Variants in ZNF43 observed in about 807,000 individuals in gnomAD.
ZNF43 encodes zinc finger protein 43.
A neutral mutation model predicts 68.4 loss-of-function variants in ZNF43; 44 were observed. That is an observed-to-expected ratio of 0.64 (90% confidence interval 0.51 to 0.83). The LOEUF is 0.83. Ranked by LOEUF, ZNF43 falls within the 40% of genes least tolerant of loss-of-function variation. The pLI, the probability that ZNF43 is intolerant of heterozygous loss-of-function variation, is 0.00. For missense variants in ZNF43, 896 were observed against 933.2 expected (o/e 0.96, Z 0.52); for synonymous variants, 308 against 307.8 (o/e 1.00, Z -0.01).
intron 1 of ZNF43, chr19:21,843,306 A>C: frequency 1.1e-6 from 1 of 922,928 alleles, no homozygotes; most frequent in Non-Finnish European, 1.3e-6. Flanking sequence ...TTCTGAGCAG[A>C]GGTATGTGTC....
chr19:21,813,162 A>G (rs1408619324), intron 3 of ZNF43, among the ~76,000 whole-genome samples: 1 of 151,990 alleles, frequency 6.6e-6, no homozygotes, highest in African/African-American at 2.4e-5. Context: ...GACTCACTTG[A>G]ACCCAGTGGG....
upstream of ZNF43, among the ~76,000 whole-genome samples, chr19:21,837,441 T>C (rs1370215435): frequency 2.8e-5 from 4 of 140,874 alleles, no homozygotes; most frequent in Non-Finnish European, 6.1e-5. Context: ...TTTTTTTTTT[T>C]TGAGACGGAG....
chr19:21,839,625 T>G (rs1375808757), upstream of ZNF43: 1 of 152,202 alleles, frequency 6.6e-6, no homozygotes, highest in Non-Finnish European at 1.5e-5. Flanking sequence ...TCACTCTCTT[T>G]TATGGGAGCA....
At position 21,836,142 on chromosome 19, in the gene ZNF43, G is replaced by T. The variant is rs2038720948; in HGVS notation, c.-104C>A. ...ACCTCTAGCAGCAGAGGACACAGAA[G>T]AACGAAGACGAGACGCAGAGCTCCA... On this transcript the variant is annotated 5_prime_UTR_variant, in exon 1 of 4. Coordinates refer to ENST00000354959, the MANE Select transcript of ZNF43 (RefSeq NM_003423.4). 2 of 1,586,474 alleles carry T rather than the reference G, an allele frequency of 1.3e-6. No individual in the cohort carries two copies. The highest frequency in any genetic ancestry group is 2.3e-5 in the South Asian group (2 of 88,242).
rs1314605428 is a variant in ZNF43, at chr19:21,809,028, T to C, written c.1009A>G (p.Thr337Ala). 6.2e-7 allele frequency: 1 copy of C among 1,613,154 alleles called. No individual in the cohort carries two copies. Among genetic ancestry groups the C allele is most frequent in the African/African-American group, 1.3e-5 (1 of 74,786 alleles). The change falls in exon 4 of 4, where the codon ACT (threonine) becomes GCT (alanine). Residue 337 changes from threonine (T) to alanine (A), a missense_variant. By Grantham distance (58) the Thr-to-Ala change is moderately conservative. Transcript: ENST00000354959. Reference protein sequence around the residue: ...STLTKHKRIHTGEKPYTCEEC... With the variant: ...STLTKHKRIHAGEKPYTCEEC... ...TCACATGTGTAGGGTTTCTCTCCAGTATGAATTCTCTTATGTTTAGTAAGA... is the reference window on the plus strand; with the variant it reads ...TCACATGTGTAGGGTTTCTCTCCAGCATGAATTCTCTTATGTTTAGTAAGA...
rs748463950 is a variant in ZNF43 at position 21,851,980 on chromosome 19, G to A, written c.-46C>T. ...GACTTGCAGATCACAGGGTAACGGAGGCTGCGACAAAGTCACCGGGGATTC... is the reference window on the plus strand; with the variant it reads ...GACTTGCAGATCACAGGGTAACGGAAGCTGCGACAAAGTCACCGGGGATTC... On this transcript the variant is annotated 5_prime_UTR_variant, in exon 1 of 4. Transcript: ENST00000357491. 63 of 1,531,846 alleles carry A rather than the reference G, an allele frequency of 4.1e-5. No individual in the cohort carries two copies. The South Asian group carries it at 6.9e-4, about 17-fold the overall frequency. The allele number at this position is 1,531,846 out of a possible 1,614,324, so 94.9% of individuals were successfully genotyped here.
At position 21,817,978 on chromosome 19, in the gene ZNF43, C is replaced by T; in HGVS notation, c.139G>A (p.Val47Ile). 6.2e-7 allele frequency: 1 copy of T among 1,612,206 alleles called. No individual in the cohort carries two copies. The highest frequency in any genetic ancestry group is 8.5e-7 in the Non-Finnish European group (1 of 1,179,046). Residue 47 changes from valine (V) to isoleucine (I), a missense_variant, in exon 3 of 4, where the codon GTC (valine) becomes ATC (isoleucine). Val to Ile is a conservative substitution (Grantham distance 29). Transcript: ENST00000354959. ...YRNLVFLGIA[V>I]SKPDLITCLE... ...CAGGTGATCAGGTCTGGCTTAGAGA[C>T]AGCAATACCTGTTTCAATAAAAAAT...
At position 21,808,018 on chromosome 19, in the gene ZNF43, A is replaced by G; in HGVS notation, c.2019T>C (p.Thr673=). The G allele has an allele frequency of 6.2e-7, 1 of 1,612,962 alleles. No homozygotes were observed. The highest frequency in any genetic ancestry group is 8.5e-7 in the Non-Finnish European group (1 of 1,179,940). ...CTTCACATTTGTAGGGTTTCTCTCC[A>G]GTATGAATTATCTTATGTTTAGTAA... is the stretch of plus-strand genomic sequence containing the variant. ...STLTKHKIIH[T]GEKPYKCEEC... is the part of the protein sequence containing the mutation. The change falls in exon 4 of 4, where the codon ACT becomes ACC. Residue 673 remains threonine, a synonymous_variant. Transcript: ENST00000354959.
At chr19:21,815,508 T>TATATGTATATATATATATATATATATA (rs1568355553) in intron 3 of ZNF43, among the ~76,000 whole-genome samples, 1 of 148,904 alleles carries the variant, frequency 6.7e-6, no homozygotes. Flanking sequence ...TATATATATA[T>TATATGTATATATATATATATATATATA]TTTGCAGAAT....
chr19:21,836,243 G>C (rs1386080299), upstream of ZNF43: 6 of 1,395,682 alleles, frequency 4.3e-6, no homozygotes, highest in Non-Finnish European at 4.7e-6. Flanking sequence ...CTGATTGGAC[G>C]GTTTCCAGCC....
At chr19:21,850,317 C>T (rs561259743) in intron 1 of ZNF43, among the ~76,000 whole-genome samples, 17 of 149,582 alleles carry the variant, frequency 1.1e-4, no homozygotes, top group Non-Finnish European at 2.5e-4. Flanking sequence ...AATCCCAGCA[C>T]TTCGGGAGGC....
intron 3 of ZNF43, among the ~76,000 whole-genome samples, chr19:21,814,484 A>C (rs2037427370): frequency 6.7e-6 from 1 of 150,178 alleles, no homozygotes. Flanking sequence ...GATCTGGCTC[A>C]CTGCAATCTC....
At chr19:21,832,902 T>A (rs906198871) in intron 1 of ZNF43, among the ~76,000 whole-genome samples, 26 of 152,062 alleles carry the variant, frequency 1.7e-4, no homozygotes, top group African/African-American at 5.8e-4. Flanking sequence ...CAATTAGTCA[T>A]ATGAAAACAC....
Position 21,808,458 on chromosome 19 carries a change from C to A in ZNF43, c.1579G>T (p.Glu527Ter), listed in dbSNP as rs1228775948. The change falls in exon 4 of 4, where the codon GAA becomes TAA. Residue 527 changes from glutamate to a stop codon, truncating the protein, a stop_gained. Transcript: ENST00000354959. LOFTEE classifies it high-confidence loss of function. Reference sequence around the variant, plus strand: ...TCTCCAGTATGAGTTATCTTATGTTCAGTAAGCTTTGAGGACCACTTAAAA... The same window carrying A: ...TCTCCAGTATGAGTTATCTTATGTTAAGTAAGCTTTGAGGACCACTTAAAA... The part of the protein sequence containing the change: ...KAFKWSSKLT[E>*]HKITHTGEKP... 1 of 1,598,370 alleles carries A rather than the reference C, an allele frequency of 6.3e-7. No homozygotes were observed. The highest frequency in any genetic ancestry group is 2.3e-5 in the East Asian group (1 of 44,044).
intron 1 of ZNF43, among the ~76,000 whole-genome samples, chr19:21,820,129 G>A (rs1401552786): frequency 5.4e-5 from 7 of 129,050 alleles, no homozygotes; most frequent in Non-Finnish European, 7.9e-5. Context: ...AACCCGAGAG[G>A]TGGAGGTTGC....
intron 3 of ZNF43, among the ~76,000 whole-genome samples, chr19:21,812,273 C>A (rs375695809): frequency 6.6e-6 from 1 of 152,058 alleles, no homozygotes; most frequent in Non-Finnish European, 1.5e-5. Context: ...ATTACAGGCG[C>A]GCACCACCAC....
rs905508515 is a variant in ZNF43 at position 21,805,735 on chromosome 19, AAAG to A, written c.*1869_*1871del. 2.0e-5 allele frequency: 3 copies of A among 152,126 alleles called. No individual in the cohort carries two copies. The highest frequency in any genetic ancestry group is 7.2e-5 in the African/African-American group (3 of 41,438). The allele number at this position is 152,126 out of a possible 1,614,324, so 9.4% of individuals were successfully genotyped here. On this transcript the variant is annotated 3_prime_UTR_variant, in exon 4 of 4. Transcript: ENST00000354959. ...GAACAGTAAGTTTAAATAAGACAAAAAAGAATATTTAACCTATAGAAAAATATT... is the reference window on the plus strand; with the variant it reads ...GAACAGTAAGTTTAAATAAGACAAAAAATATTTAACCTATAGAAAAATATT...
At chr19:21,822,815 A>T (rs1178148516) in intron 1 of ZNF43, among the ~76,000 whole-genome samples, 2 of 152,072 alleles carry the variant, frequency 1.3e-5, no homozygotes, top group Admixed American at 6.5e-5. Flanking sequence ...AGAAAAAAAA[A>T]AAATAAAGAA....
chr19:21,808,721 G>C lies in ZNF43; in HGVS notation c.1316C>G (p.Ser439Ter). 6.2e-7 allele frequency: 1 copy of C among 1,612,698 alleles called. No individual in the cohort carries two copies. ...EECGKAFNWPSTLTKHNRIHT... is the reference protein window; with the variant it reads ...EECGKAFNWP ...AATTCTGTTATGTTTAGTAAGGGTTGAGGGCCAGTTAAAGGCTTTGCCACA... is the reference window on the plus strand; with the variant it reads ...AATTCTGTTATGTTTAGTAAGGGTTCAGGGCCAGTTAAAGGCTTTGCCACA... Residue 439 changes from serine to a stop codon, truncating the protein, a stop_gained, in exon 4 of 4, where the codon TCA (serine) becomes TGA (stop). Transcript: ENST00000354959. LOFTEE classifies it high-confidence loss of function.
Sources: allele counts gnomAD v4.1 joint callset (sites outside exome capture counted in the v4.1 genomes callset), GRCh38; gene constraint gnomAD v4.1.1; transcripts MANE v1.5; gene names NCBI Gene and HGNC (gene_info 2026-07-23, HGNC 2026-07-21).